The following PON3 variants were observed in gnomAD, a reference collection of about 807,000 sequenced individuals.
The protein encoded by PON3 is serum paraoxonase/lactonase 3.
A neutral mutation model predicts 36.3 loss-of-function variants in PON3; 37 were observed. The ratio of observed to expected loss-of-function variants is 1.02; its 90% confidence interval spans 0.78 to 1.34. The LOEUF is 1.34. Among genes scored for constraint, PON3 ranks in the 40% most tolerant of loss-of-function variants. PON3 has a pLI of 0.00. For missense variants in PON3, 415 were observed against 426.5 expected (o/e 0.97, Z 0.24); for synonymous variants, 155 against 154.8 (o/e 1.00, Z -0.01).
At chr7:95,386,182 T>C (rs534164210) in intron 3 of PON3, among the ~76,000 whole-genome samples, 3 of 152,128 alleles carry the variant, frequency 2.0e-5, no homozygotes, top group South Asian at 4.2e-4. Flanking sequence ...AAAAAATCAA[T>C]GAATGCAGGA....
intron 5 of PON3, chr7:95,364,872 G>C (rs554335503): frequency 6.6e-6 from 1 of 151,460 alleles, no homozygotes; most frequent in Non-Finnish European, 1.5e-5. Flanking sequence ...CTTACAATCC[G>C]TAAGAAAAAT....
chr7:95,371,700 T>C (rs967480553), intron 4 of PON3, among the ~76,000 whole-genome samples: 2 of 152,188 alleles, frequency 1.3e-5, no homozygotes, highest in African/African-American at 2.4e-5. Flanking sequence ...AAGTCTCTCA[T>C]CTAATATATG....
chr7:95,383,907 G>A (rs1387663333), intron 3 of PON3, among the ~76,000 whole-genome samples: 1 of 152,148 alleles, frequency 6.6e-6, no homozygotes, highest in African/African-American at 2.4e-5. Context: ...TCAACCCTAA[G>A]CTAAGAGAAC....
chr7:95,389,976 A>G (rs899350701), intron 3 of PON3, among the ~76,000 whole-genome samples, 178 bp downstream of exon 3: 1 of 152,216 alleles, frequency 6.6e-6, no homozygotes, highest in Non-Finnish European at 1.5e-5. Flanking sequence ...AAAGCTGGGC[A>G]TTCCTGTGGT....
intron 3 of PON3, among the ~76,000 whole-genome samples, chr7:95,382,469 G>C (rs1309562890): frequency 6.6e-6 from 1 of 152,020 alleles, no homozygotes; most frequent in African/African-American, 2.4e-5. Flanking sequence ...GACTAATAAA[G>C]AAGAAAAGAG....
intron 8 of PON3, among the ~76,000 whole-genome samples, 165 bp from the exon 9 acceptor site, chr7:95,360,296 G>A (rs972531748): frequency 2.6e-5 from 4 of 151,506 alleles, no homozygotes; most frequent in Admixed American, 2.0e-4. Flanking sequence ...TAATGTCATA[G>A]ATATCTATGC....
chr7:95,386,900 A>C (rs902105524), intron 3 of PON3, among the ~76,000 whole-genome samples: 5 of 152,348 alleles, frequency 3.3e-5, no homozygotes, highest in African/African-American at 9.6e-5. Flanking sequence ...GATTATCTCA[A>C]TAGATGCAGA....
chr7:95,387,189 G>A (rs1021398414), intron 3 of PON3, among the ~76,000 whole-genome samples: 18 of 152,108 alleles, frequency 1.2e-4, no homozygotes, highest in African/African-American at 3.6e-4. Flanking sequence ...AAAGAGGATG[G>A]CAAATTGTCT....
intron 5 of PON3, chr7:95,364,304 A>C (rs1808644004): frequency 3.7e-6 from 2 of 542,952 alleles, no homozygotes. Context: ...GAAAAGAAAT[A>C]AATTCACAAA....
intron 6 of PON3, chr7:95,363,656 C>A: frequency 1.6e-6 from 1 of 607,268 alleles, no homozygotes; most frequent in African/African-American, 1.9e-5. Flanking sequence ...AAGTCCACAT[C>A]CCTCCTTTAA....
chr7:95,391,262 G>C (rs1240375249), intron 2 of PON3, among the ~76,000 whole-genome samples: 1 of 152,154 alleles, frequency 6.6e-6, no homozygotes, highest in Non-Finnish European at 1.5e-5. Context: ...GCATATATTG[G>C]AGACATGGGA....
chr7:95,372,380 A>C (rs1438601392), intron 3 of PON3, 42 bp from the exon 4 acceptor site: 1 of 1,583,282 alleles, frequency 6.3e-7, no homozygotes, highest in South Asian at 1.1e-5. Context: ...TATACATATC[A>C]AAACAATATT....
chr7:95,374,309 A>G (rs1403531984), intron 3 of PON3, among the ~76,000 whole-genome samples: 2 of 151,546 alleles, frequency 1.3e-5, no homozygotes, highest in African/African-American at 4.9e-5. Flanking sequence ...AGTTTTATTC[A>G]TTCTCTTTCT....
At chr7:95,390,696 A>G (rs1455692422) in intron 2 of PON3, among the ~76,000 whole-genome samples, 3 of 152,238 alleles carry the variant, frequency 2.0e-5, no homozygotes, top group Non-Finnish European at 4.4e-5. Flanking sequence ...ATTATTGAGT[A>G]ATAAACTAAT....
intron 1 of PON3, 117 bp downstream of exon 1, chr7:95,396,160 T>C (rs1809427905): frequency 9.3e-7 from 1 of 1,075,930 alleles, no homozygotes; most frequent in Non-Finnish European, 1.4e-6. Flanking sequence ...GATGGAGGAG[T>C]GAGGTTCCAA....
chr7:95,371,505 G>A (rs1171707159), intron 4 of PON3, among the ~76,000 whole-genome samples: 1 of 152,112 alleles, frequency 6.6e-6, no homozygotes, highest in Non-Finnish European at 1.5e-5. Context: ...GGTGTGAAAT[G>A]GTATCTCATT....
chr7:95,363,224 A>G (rs1808616413), intron 6 of PON3, among the ~76,000 whole-genome samples: 1 of 152,166 alleles, frequency 6.6e-6, no homozygotes, highest in African/African-American at 2.4e-5. Flanking sequence ...CTCAATCACA[A>G]TATTTTAAAA....
intron 5 of PON3, 144 bp from the exon 6 acceptor site, chr7:95,364,207 C>T (rs1808642010): frequency 1.4e-6 from 1 of 700,776 alleles, no homozygotes; most frequent in Non-Finnish European, 2.5e-6. Flanking sequence ...TAAGGAATTC[C>T]ACAGAAAATC....
At chr7:95,371,696 C>T (rs1187348498) in intron 4 of PON3, among the ~76,000 whole-genome samples, 1 of 152,156 alleles carries the variant, frequency 6.6e-6, no homozygotes, top group Non-Finnish European at 1.5e-5. Flanking sequence ...ATACAAGTCT[C>T]TCATCTAATA....
Sources: allele counts gnomAD v4.1 joint callset (sites outside exome capture counted in the v4.1 genomes callset), GRCh38; gene constraint gnomAD v4.1.1; transcripts MANE v1.5; gene names NCBI Gene and HGNC (gene_info 2026-07-23, HGNC 2026-07-21).